UGT1A9: variants seen among roughly 807,000 people sequenced by gnomAD.
UGT1A9 encodes the protein UDP glucuronosyltransferase family 1 member A9.
UGT1A9 carries 35 observed loss-of-function variants against 45.0 expected under a neutral mutation model. That is an observed-to-expected ratio of 0.78 (90% CI 0.59 to 1.03). UGT1A9 has a LOEUF of 1.03. Ranked by LOEUF, UGT1A9 falls within the 50% of genes least tolerant of loss-of-function variation. The pLI, the probability that UGT1A9 is intolerant of heterozygous loss-of-function variation, is 0.00. For synonymous variants in UGT1A9, 278 were observed against 250.6 expected (o/e 1.11, Z -1.03); for missense variants, 687 against 666.6 (o/e 1.03, Z -0.34).
chr2:233,688,732 T>G (rs1017805179), intron 1 of UGT1A9, among the ~76,000 whole-genome samples: 1 of 152,124 alleles, frequency 6.6e-6, no homozygotes, highest in African/African-American at 2.4e-5. Context: ...AGTCTTTGAG[T>G]GACTGGGATA....
At chr2:233,734,469 G>A (rs2078529188) in intron 1 of UGT1A9, among the ~76,000 whole-genome samples, 1 of 149,640 alleles carries the variant, frequency 6.7e-6, no homozygotes, top group Non-Finnish European at 1.5e-5. Flanking sequence ...TCCATCTCCT[G>A]GATTCATTGA....
intron 1 of UGT1A9, chr2:233,754,965 T>A (rs1303021739): frequency 7.7e-7 from 1 of 1,306,100 alleles, no homozygotes; most frequent in East Asian, 4.6e-5. Flanking sequence ...GCCAAAGAAC[T>A]CCCTGAAGAC....
intron 1 of UGT1A9, among the ~76,000 whole-genome samples, chr2:233,676,761 A>ACTTTTGGTAGGAAGACACAGAGGT (rs2074370562): frequency 1.3e-5 from 2 of 152,100 alleles, no homozygotes; most frequent in Non-Finnish European, 2.9e-5. Context: ...GGGTTTATAG[A>ACTTTTGGTAGGAAGACACAGAGGT]CTTTTGGTAG....
rs748532468 is a variant in UGT1A9 at position 233,713,904 on chromosome 2, T to G, written c.855+41115T>G. ...CCAATCAATGTTCCAGGCAAAACACTTTTTAAAAAATGTATTTACTTACAA... is the reference window on the plus strand; with the variant it reads ...CCAATCAATGTTCCAGGCAAAACACGTTTTAAAAAATGTATTTACTTACAA... On this transcript the variant is annotated intron_variant, in intron 1 of 4. Transcript: ENST00000354728. 7 of 1,612,582 alleles carry G rather than the reference T, an allele frequency of 4.3e-6. No individual in the cohort carries two copies. The South Asian group carries it at 6.6e-5, about 15-fold the overall frequency.
Position 233,765,707 on chromosome 2 carries a change from ATAAT to A in UGT1A9, c.856-1322_856-1319del, listed in dbSNP as rs1196419117. Among the ~76,000 whole-genome samples, 12 of 144,042 alleles carry A rather than the reference ATAAT, an allele frequency of 8.3e-5. No individual in the cohort carries two copies. The East Asian group carries it at 2.3e-3, about 27-fold the overall frequency. 94.5% of individuals were successfully genotyped at this position (144,042 alleles called of 152,430 possible). Reference sequence around the variant, plus strand: ...GAACTTCAAGTAAATAATAATAATAATAATTAATAATAATAATAATAATAAATAA... The same window carrying A: ...GAACTTCAAGTAAATAATAATAATAATAATAATAATAATAATAATAAATAA... On this transcript the variant is annotated intron_variant, in intron 1 of 4. Transcript: ENST00000354728.
chr2:233,713,434 T>A lies in UGT1A9; in HGVS notation c.855+40645T>A. ...CACCTGCATGCTACTTCCTTTGATG[T>A]GGTTCTAACAGACCCCTTTCACCTC... On this transcript the variant is annotated intron_variant, in intron 1 of 4. Coordinates refer to ENST00000354728, the MANE Select transcript of UGT1A9 (RefSeq NM_021027.3). 4 of 1,614,196 alleles carry A rather than the reference T, an allele frequency of 2.5e-6. No homozygotes were observed. The highest frequency in any genetic ancestry group is 3.4e-6 in the Non-Finnish European group (4 of 1,180,026).
chr2:233,702,084 A>T (rs2075668919), intron 1 of UGT1A9, among the ~76,000 whole-genome samples: 1 of 152,172 alleles, frequency 6.6e-6, no homozygotes, highest in African/African-American at 2.4e-5. Context: ...GTATAGTCAC[A>T]GATTTGTACA....
At chr2:233,721,905 C>A in intron 1 of UGT1A9, 1 of 450,072 alleles carries the variant, frequency 2.2e-6, no homozygotes, top group Non-Finnish European at 4.4e-6. Context: ...CGAAATGGTG[C>A]ACACTGCTTC....
chr2:233,767,201 T>C lies in UGT1A9; in HGVS notation c.987+36T>C, dbSNP rs756377002. 1.3e-4 allele frequency: 211 copies of C among 1,613,460 alleles called. 4 individuals are homozygous for C. In the South Asian group the frequency reaches 2.3e-3, roughly 17 times the overall value. ...TCTATACCATGGCCTCATATCTATT[T>C]TCACAGGAGCGCTAATCCCAGACTT... On this transcript the variant is annotated intron_variant, in intron 2 of 4. Transcript: ENST00000354728.
chr2:233,725,046 G>T (rs1307782959), intron 1 of UGT1A9, among the ~76,000 whole-genome samples: 2 of 147,958 alleles, frequency 1.4e-5, no homozygotes, highest in Non-Finnish European at 3.0e-5. Context: ...AACCAGTCAG[G>T]CGTGGCGGCG....
intron 1 of UGT1A9, chr2:233,729,111 C>G (rs773243405): frequency 2.0e-5 from 33 of 1,612,748 alleles, no homozygotes; most frequent in Admixed American, 3.3e-5. Flanking sequence ...GTCAGCTGTC[C>G]GTGTCTTCTG....
intron 1 of UGT1A9, among the ~76,000 whole-genome samples, chr2:233,757,535 A>AATATATATAC (rs376887521): frequency 4.5e-5 from 4 of 88,310 alleles, no homozygotes; most frequent in South Asian, 5.2e-4. Context: ...GCCTGTAAGG[A>AATATATATAC]ATATATATAT....
intron 1 of UGT1A9, among the ~76,000 whole-genome samples, chr2:233,726,265 C>T (rs569256499): frequency 2.6e-5 from 4 of 152,302 alleles, no homozygotes; most frequent in East Asian, 1.9e-4. Context: ...CAGTGGCATG[C>T]GCCTATGGTC....
At chr2:233,719,420 C>T in intron 1 of UGT1A9, 1 of 1,613,820 alleles carries the variant, frequency 6.2e-7, no homozygotes, top group Non-Finnish European at 8.5e-7. Flanking sequence ...TACTAACGAC[C>T]AATTCAGACC....
At chr2:233,685,853 T>A (rs2074759924) in intron 1 of UGT1A9, among the ~76,000 whole-genome samples, 1 of 152,252 alleles carries the variant, frequency 6.6e-6, no homozygotes, top group African/African-American at 2.4e-5. Flanking sequence ...ATTTGTTTCA[T>A]AGACACAATA....
At chr2:233,719,282 TAACCTCTGTGGGGC>T (rs1452808261) in intron 1 of UGT1A9, 2 of 1,614,148 alleles carry the variant, frequency 1.2e-6, no homozygotes, top group Non-Finnish European at 1.7e-6. Flanking sequence ...CAGACCCCGT[TAACCTCTGTGGGGC>T]GGTGCTGGCT....
chr2:233,767,743 A>G (rs543873419), intron 2 of UGT1A9, 106 bp from the exon 3 acceptor site: 2 of 1,585,594 alleles, frequency 1.3e-6, no homozygotes, highest in South Asian at 2.3e-5. Flanking sequence ...CACTCTGTTA[A>G]AGACTGTTCC....
chr2:233,714,464 G>T (rs1484819290), intron 1 of UGT1A9, among the ~76,000 whole-genome samples: 2 of 152,160 alleles, frequency 1.3e-5, no homozygotes, highest in African/African-American at 2.4e-5. Context: ...GTGTTGGATT[G>T]TAATAGGAGA....
rs1003535917 is a variant in UGT1A9, at chr2:233,692,765, G to A, written c.855+19976G>A. On this transcript the variant is annotated intron_variant, in intron 1 of 4. Coordinates refer to ENST00000354728, the MANE Select transcript of UGT1A9 (RefSeq NM_021027.3). ...AGAAGCAGACTTGTGGAGCTGAAGA[G>A]AAACACCCAGAAGCTCAGGTGAAAG... 4 of 1,253,520 alleles carry A rather than the reference G, an allele frequency of 3.2e-6. No individual in the cohort carries two copies. The African/African-American group carries it at 6.1e-5, about 19-fold the overall frequency. The allele number at this position is 1,253,520 out of a possible 1,614,324, so 77.6% of individuals were successfully genotyped here.
Sources: gnomAD v4.1 joint callset for allele counts (sites outside exome capture counted in the v4.1 genomes callset) on GRCh38, gnomAD v4.1.1 for gene constraint, MANE v1.5 for transcripts, NCBI Gene and HGNC (gene_info 2026-07-23, HGNC 2026-07-21) for gene names.